RBFOX1: variants seen among roughly 807,000 people sequenced by gnomAD.
RBFOX1 encodes RNA binding fox-1 homolog 1, also known as RNA binding protein fox-1 homolog 1.
A neutral mutation model predicts 57.7 loss-of-function variants in RBFOX1; 8 were observed. The observed-to-expected ratio is 0.14, with a 90% CI of 0.08 to 0.25. The LOEUF is 0.25. Ranked by LOEUF, RBFOX1 falls within the 10% of genes least tolerant of loss-of-function variation. RBFOX1 has a pLI of 1.00. For synonymous variants in RBFOX1, 326 were observed against 222.4 expected (o/e 1.47, Z -4.15); for missense variants, 611 against 548.5 (o/e 1.11, Z -1.14).
intron 4 of RBFOX1, among the ~76,000 whole-genome samples, chr16:5,913,812 A>G (rs1332264070): frequency 2.0e-5 from 3 of 152,244 alleles, no homozygotes; most frequent in African/African-American, 4.8e-5. Flanking sequence ...AAAGGTAAAG[A>G]TAACAGCTAA....
At chr16:5,585,355 C>T (rs923453059) in intron 2 of RBFOX1, among the ~76,000 whole-genome samples, 23 of 152,186 alleles carry the variant, frequency 1.5e-4, no homozygotes, top group Non-Finnish European at 2.5e-4. Context: ...TTTTTTAAGG[C>T]TGAATAATAT....
At chr16:6,240,829 G>T (rs1318120303) in intron 1 of RBFOX1, among the ~76,000 whole-genome samples, 2 of 152,074 alleles carry the variant, frequency 1.3e-5, no homozygotes, top group Non-Finnish European at 1.5e-5. Flanking sequence ...GATATTTTCA[G>T]TCAGAAATAT....
At chr16:7,404,643 G>A (rs929211980) in intron 4 of RBFOX1, among the ~76,000 whole-genome samples, 4 of 152,188 alleles carry the variant, frequency 2.6e-5, no homozygotes, top group Non-Finnish European at 5.9e-5. Flanking sequence ...CAGTCATGCT[G>A]TGCTGCCAGC....
chr16:5,912,981 C>G (rs574742072), intron 4 of RBFOX1, among the ~76,000 whole-genome samples: 1 of 152,270 alleles, frequency 6.6e-6, no homozygotes, highest in African/African-American at 2.4e-5. Flanking sequence ...TTAAGTGACT[C>G]AGGATAAAAG....
intron 2 of RBFOX1, among the ~76,000 whole-genome samples, chr16:6,514,189 A>G (rs568217759): frequency 6.6e-6 from 1 of 152,270 alleles, no homozygotes; most frequent in East Asian, 1.9e-4. Flanking sequence ...TGAAAGGCTT[A>G]TCTCCCATCC....
intron 4 of RBFOX1, among the ~76,000 whole-genome samples, chr16:7,212,945 T>G (rs1438993741): frequency 6.6e-6 from 1 of 152,222 alleles, no homozygotes; most frequent in African/African-American, 2.4e-5. Context: ...ACCGTGCCAC[T>G]CATATTTTGA....
At chr16:7,003,022 TTTC>T (rs71408494) in intron 3 of RBFOX1, among the ~76,000 whole-genome samples, 4 of 150,994 alleles carry the variant, frequency 2.6e-5, no homozygotes, top group Non-Finnish European at 5.9e-5. Context: ...GGTCTTTTTT[TTTC>T]TTCTTCTTTT....
chr16:6,143,116 T>A (rs184637566), intron 1 of RBFOX1, among the ~76,000 whole-genome samples: 71 of 152,352 alleles, frequency 4.7e-4, no homozygotes, highest in African/African-American at 1.6e-3. Context: ...CTCCACTTAC[T>A]TCTGTGTCTG....
intron 1 of RBFOX1, among the ~76,000 whole-genome samples, chr16:6,022,116 A>T (rs554389435): frequency 8.0e-4 from 122 of 152,292 alleles, no homozygotes; most frequent in African/African-American, 2.8e-3. Context: ...GCCAAGATAT[A>T]GGTTGGTGGC....
At chr16:6,029,994 A>C (rs188895982) in intron 1 of RBFOX1, among the ~76,000 whole-genome samples, 3 of 151,892 alleles carry the variant, frequency 2.0e-5, no homozygotes, top group Non-Finnish European at 4.4e-5. Context: ...TCTCACTTCA[A>C]CCTCTGCCTC....
chr16:6,534,682 T>G (rs1050831500), intron 2 of RBFOX1, among the ~76,000 whole-genome samples: 1 of 152,154 alleles, frequency 6.6e-6, no homozygotes, highest in African/African-American at 2.4e-5. Flanking sequence ...TAAAAGTACT[T>G]GCTTCCTTTG....
chr16:6,910,092 C>G (rs1172296612), intron 3 of RBFOX1, among the ~76,000 whole-genome samples: 1 of 151,978 alleles, frequency 6.6e-6, no homozygotes, highest in Non-Finnish European at 1.5e-5. Context: ...TACGTCCCAC[C>G]CTGGACCACG....
intron 2 of RBFOX1, among the ~76,000 whole-genome samples, chr16:5,585,290 T>G (rs565335529): frequency 6.6e-6 from 1 of 152,344 alleles, no homozygotes; most frequent in East Asian, 1.9e-4. Flanking sequence ...TGGCTGCTTT[T>G]GTTTAGCATA....
chr16:6,158,713 G>A (rs2096856124), intron 1 of RBFOX1, among the ~76,000 whole-genome samples: 1 of 152,160 alleles, frequency 6.6e-6, no homozygotes, highest in African/African-American at 2.4e-5. Context: ...ACATTTTGCT[G>A]TGTGTATGAC....
At chr16:5,686,791 T>C (rs1380020067) in intron 3 of RBFOX1, among the ~76,000 whole-genome samples, 2 of 152,096 alleles carry the variant, frequency 1.3e-5, no homozygotes, top group Non-Finnish European at 2.9e-5. Flanking sequence ...TCCATTTGGC[T>C]ATCAATTAGT....
At chr16:5,582,324 A>C (rs2046695373) in intron 2 of RBFOX1, among the ~76,000 whole-genome samples, 2 of 152,140 alleles carry the variant, frequency 1.3e-5, no homozygotes, top group African/African-American at 4.8e-5. Flanking sequence ...GGCTTAGCGA[A>C]GTTGGGCTCA....
At chr16:7,614,416 G>T (rs1238579864) in intron 10 of RBFOX1, 1 of 150,112 alleles carries the variant, frequency 6.7e-6, no homozygotes, top group Non-Finnish European at 1.5e-5. Context: ...ATTTTTATCT[G>T]CGTCCTTCTA....
At chr16:6,653,565 G>C (rs957899456) in intron 2 of RBFOX1, among the ~76,000 whole-genome samples, 1 of 151,908 alleles carries the variant, frequency 6.6e-6, no homozygotes, top group Non-Finnish European at 1.5e-5. Context: ...GAAAATAGCA[G>C]AAAATCATAG....
chr16:6,908,200 C>G (rs1342629884), intron 3 of RBFOX1, among the ~76,000 whole-genome samples: 1 of 151,710 alleles, frequency 6.6e-6, no homozygotes, highest in East Asian at 1.9e-4. Flanking sequence ...AGATTATTAC[C>G]TCTGCTCAGC....
Sources: gnomAD v4.1 joint callset for allele counts (sites outside exome capture counted in the v4.1 genomes callset) on GRCh38, gnomAD v4.1.1 for gene constraint, MANE v1.5 for transcripts, NCBI Gene and HGNC (gene_info 2026-07-23, HGNC 2026-07-21) for gene names.